The following C1orf185 variants were observed in gnomAD, a reference collection of about 807,000 sequenced individuals.
The protein encoded by C1orf185 is uncharacterized protein C1orf185.
In C1orf185, 13 loss-of-function variants were observed where a neutral mutation model predicts 16.1. The ratio of observed to expected loss-of-function variants is 0.81; its 90% CI spans 0.53 to 1.28. C1orf185 has a LOEUF of 1.28. Among genes scored for constraint, C1orf185 ranks in the 50% most tolerant of loss-of-function variants. The probability of loss-of-function intolerance (pLI) is 0.00; values close to 1 mark genes in which losing one functional copy is unlikely to be tolerated. For synonymous variants in C1orf185, 80 were observed against 76.9 expected, an observed-to-expected ratio of 1.04 and a Z score of -0.21; for missense variants, 220 against 225.2, an observed-to-expected ratio of 0.98 and a Z score of 0.15.
chr1:51,131,643 G>GA (rs569572726), intron 3 of C1orf185, among the ~76,000 whole-genome samples: 12 of 151,820 alleles, frequency 7.9e-5, no homozygotes, highest in Non-Finnish European at 1.8e-4. Context: ...GAGAAAGGAA[G>GA]AAAAAAAATT....
chr1:51,150,616 G>T (rs1171311291), downstream of C1orf185, among the ~76,000 whole-genome samples: 1 of 152,154 alleles, frequency 6.6e-6, no homozygotes, highest in Non-Finnish European at 1.5e-5. Context: ...ACGAAATTAT[G>T]CCAGTCTAGA....
intron 1 of C1orf185, among the ~76,000 whole-genome samples, chr1:51,110,669 A>G (rs939240259): frequency 1.3e-5 from 2 of 152,212 alleles, no homozygotes; most frequent in South Asian, 2.1e-4. Context: ...AAAGCCTCCT[A>G]TGAAAGCTTT....
intron 3 of C1orf185, among the ~76,000 whole-genome samples, chr1:51,130,433 C>A (rs1213361044): frequency 6.6e-6 from 1 of 151,882 alleles, no homozygotes; most frequent in African/African-American, 2.4e-5. Flanking sequence ...GATCCTCCCA[C>A]CTCAGTCCCC....
At chr1:51,109,319 G>A (rs541781271) in intron 1 of C1orf185, among the ~76,000 whole-genome samples, 1 of 152,096 alleles carries the variant, frequency 6.6e-6, no homozygotes, top group African/African-American at 2.4e-5. Context: ...TTAATCCCTT[G>A]TCAGACGAAT....
At chr1:51,142,135 C>G (rs1646368827) in intron 3 of C1orf185, among the ~76,000 whole-genome samples, 2 of 152,148 alleles carry the variant, frequency 1.3e-5, no homozygotes, top group South Asian at 4.1e-4. Flanking sequence ...AATATTGATT[C>G]AATGTTTTCA....
rs968784951 is a variant in C1orf185, at chr1:51,112,649, T to C, written c.122+80T>C. Reference sequence around the variant, plus strand: ...AGGACTTTTTCAAATGGAAGTAAACTTAAATAACTATGATAGTATTGATTG... The same window carrying C: ...AGGACTTTTTCAAATGGAAGTAAACCTAAATAACTATGATAGTATTGATTG... On this transcript the variant is annotated intron_variant, in intron 2 of 4. Transcript: ENST00000371759. 4.8e-6 allele frequency: 6 copies of C among 1,251,666 alleles called. No homozygotes were observed. In the African/African-American group the frequency reaches 9.2e-5, roughly 19 times the overall value. The allele number at this position is 1,251,666 out of a possible 1,614,324, so 77.5% of individuals were successfully genotyped here.
rs575236086 is a variant in C1orf185, at chr1:51,123,677, G to A, written c.258+4876G>A. On this transcript the variant is annotated intron_variant, in intron 3 of 4. Transcript: ENST00000371759. ...TTCCCCATTCTCACCAGCATTTGTT[G>A]TTGTCAGTGTTTTGGAGTTTCACCA... Among the ~76,000 whole-genome samples the A allele has an allele frequency of 1.9e-4, 29 of 152,234 alleles. No homozygotes were observed. The South Asian group carries it at 6.0e-3, about 32-fold the overall frequency.
intron 2 of C1orf185, among the ~76,000 whole-genome samples, chr1:51,113,062 G>A (rs866549685): frequency 2.0e-5 from 3 of 151,434 alleles, no homozygotes; most frequent in African/African-American, 4.8e-5. Flanking sequence ...CAGACGATCC[G>A]CCCGCCTCGG....
At chr1:51,134,935 A>G (rs1646312269) in intron 3 of C1orf185, among the ~76,000 whole-genome samples, 1 of 151,994 alleles carries the variant, frequency 6.6e-6, no homozygotes, top group South Asian at 2.1e-4. Context: ...AAGAGCTAGT[A>G]CCATTCCTGC....
intron 4 of C1orf185, among the ~76,000 whole-genome samples, chr1:51,146,216 T>C: frequency 6.6e-6 from 1 of 152,028 alleles, no homozygotes; most frequent in East Asian, 1.9e-4. Flanking sequence ...CCCAGCACTT[T>C]GGGAGGTCGC....
chr1:51,152,043 C>A (rs373039034), downstream of C1orf185, among the ~76,000 whole-genome samples: 5 of 152,020 alleles, frequency 3.3e-5, no homozygotes, highest in Admixed American at 3.3e-4. Context: ...GCTCAGGTTA[C>A]AACTGAACTG....
intron 3 of C1orf185, among the ~76,000 whole-genome samples, chr1:51,120,938 A>C (rs1354206946): frequency 6.6e-6 from 1 of 152,222 alleles, no homozygotes; most frequent in Non-Finnish European, 1.5e-5. Flanking sequence ...AATAATGCAC[A>C]AGTAAACACA....
At chr1:51,137,657 G>T (rs572786652) in intron 3 of C1orf185, among the ~76,000 whole-genome samples, 71 of 152,248 alleles carry the variant, frequency 4.7e-4, no homozygotes, top group African/African-American at 1.4e-3. Flanking sequence ...TTCCTCAAAG[G>T]CTTAAAAACA....
intron 3 of C1orf185, among the ~76,000 whole-genome samples, chr1:51,141,674 A>T (rs1476685620): frequency 2.6e-5 from 4 of 152,064 alleles, no homozygotes; most frequent in Non-Finnish European, 5.9e-5. Context: ...GTGTATTTTT[A>T]TTGTTTCTGA....
intron 3 of C1orf185, among the ~76,000 whole-genome samples, chr1:51,138,542 G>A (rs150124354): frequency 1.3e-5 from 2 of 152,010 alleles, no homozygotes; most frequent in East Asian, 1.9e-4. Context: ...ACAGGCGCCC[G>A]TCACCATGCC....
chr1:51,129,121 G>A (rs1239386400), intron 3 of C1orf185, among the ~76,000 whole-genome samples: 7 of 152,064 alleles, frequency 4.6e-5, no homozygotes, highest in Admixed American at 4.6e-4. Flanking sequence ...CTGACCTCAG[G>A]CGATCCACCT....
At chr1:51,105,690 A>G (rs895221428) in intron 1 of C1orf185, among the ~76,000 whole-genome samples, 12 of 152,218 alleles carry the variant, frequency 7.9e-5, no homozygotes, top group African/African-American at 2.9e-4. Flanking sequence ...AAAGAAATAG[A>G]GTGATACAAA....
At chr1:51,133,802 A>C (rs972142797) in intron 3 of C1orf185, among the ~76,000 whole-genome samples, 1 of 152,250 alleles carries the variant, frequency 6.6e-6, no homozygotes, top group African/African-American at 2.4e-5. Context: ...TTACATAATC[A>C]GAAGTAAAAC....
chr1:51,134,497 A>G (rs1303161586), intron 3 of C1orf185, among the ~76,000 whole-genome samples: 1 of 138,942 alleles, frequency 7.2e-6, no homozygotes, highest in Non-Finnish European at 1.5e-5. Flanking sequence ...ATCAGAGCTG[A>G]ACTGAAGGAG....
Sources: gnomAD v4.1 joint callset for allele counts (sites outside exome capture counted in the v4.1 genomes callset) on GRCh38, gnomAD v4.1.1 for gene constraint, MANE v1.5 for transcripts, NCBI Gene and HGNC (gene_info 2026-07-23, HGNC 2026-07-21) for gene names.